Variants in EPHA6 observed in about 807,000 individuals in gnomAD.
EPHA6 encodes the protein EPH receptor A6.
A neutral mutation model predicts 112.0 loss-of-function variants in EPHA6; 50 were observed. That is an observed-to-expected ratio of 0.45 (90% CI 0.36 to 0.56). The LOEUF is 0.56. Ranked by LOEUF, EPHA6 falls within the 20% of genes least tolerant of loss-of-function variation. The probability of loss-of-function intolerance (pLI) is 0.00; values close to 1 mark genes in which losing one functional copy is unlikely to be tolerated. For missense variants in EPHA6, 1,280 were observed against 1,417.4 expected (o/e 0.90, Z 1.56); for synonymous variants, 529 against 490.7 (o/e 1.08, Z -1.03).
intron 5 of EPHA6, among the ~76,000 whole-genome samples, chr3:97,298,216 C>T (rs1433258249): frequency 6.6e-6 from 1 of 152,040 alleles, no homozygotes; most frequent in Non-Finnish European, 1.5e-5. Flanking sequence ...CTGTTATTGT[C>T]TGATGTATTT....
intron 3 of EPHA6, among the ~76,000 whole-genome samples, chr3:97,128,158 G>T (rs950348398): frequency 2.0e-5 from 3 of 152,084 alleles, no homozygotes; most frequent in African/African-American, 7.2e-5. Context: ...ATGCTCTCCA[G>T]TACCACCCAA....
intron 2 of EPHA6, among the ~76,000 whole-genome samples, chr3:96,983,462 C>T (rs1230349238): frequency 2.0e-5 from 3 of 152,128 alleles, no homozygotes; most frequent in Non-Finnish European, 4.4e-5. Flanking sequence ...GTAATGTGAC[C>T]TTTCTCTCTG....
intron 5 of EPHA6, among the ~76,000 whole-genome samples, chr3:97,314,439 G>A (rs2081711485): frequency 6.6e-6 from 1 of 151,510 alleles, no homozygotes; most frequent in African/African-American, 2.4e-5. Context: ...TTCAGTAATT[G>A]AGAAGAATAA....
intron 3 of EPHA6, among the ~76,000 whole-genome samples, chr3:97,095,425 A>G (rs1487906809): frequency 6.6e-6 from 1 of 151,876 alleles, no homozygotes; most frequent in Non-Finnish European, 1.5e-5. Context: ...CCTTGTGCAC[A>G]TGTACCCTAG....
chr3:97,013,563 C>T (rs758000555), intron 3 of EPHA6, among the ~76,000 whole-genome samples: 3 of 152,026 alleles, frequency 2.0e-5, no homozygotes, highest in Admixed American at 1.3e-4. Context: ...ATACATAAAT[C>T]CTTGGAACAC....
chr3:96,943,982 G>A (rs1404222450), intron 2 of EPHA6, among the ~76,000 whole-genome samples: 1 of 152,128 alleles, frequency 6.6e-6, no homozygotes, highest in Non-Finnish European at 1.5e-5. Context: ...ATCATAAATT[G>A]TATTATATCC....
chr3:97,010,877 A>T (rs2044062377), intron 3 of EPHA6, among the ~76,000 whole-genome samples: 1 of 152,112 alleles, frequency 6.6e-6, no homozygotes, highest in Non-Finnish European at 1.5e-5. Flanking sequence ...TCAATAGAGG[A>T]TTTCATATTT....
chr3:97,553,270 C>T (rs1028089868), intron 11 of EPHA6, among the ~76,000 whole-genome samples: 1 of 152,024 alleles, frequency 6.6e-6, no homozygotes, highest in Non-Finnish European at 1.5e-5. Flanking sequence ...ACAAGCCAAT[C>T]TCTCTGTTGC....
chr3:96,985,127 G>A (rs920606497), intron 2 of EPHA6, among the ~76,000 whole-genome samples: 5 of 152,118 alleles, frequency 3.3e-5, no homozygotes, highest in African/African-American at 9.7e-5. Context: ...GAAATCACCC[G>A]TCTTCTGTGT....
chr3:97,546,573 G>A (rs1393814816), intron 11 of EPHA6, among the ~76,000 whole-genome samples: 1 of 152,096 alleles, frequency 6.6e-6, no homozygotes, highest in Non-Finnish European at 1.5e-5. Context: ...GAGTATCTTT[G>A]TGGAGTTCTC....
intron 3 of EPHA6, among the ~76,000 whole-genome samples, chr3:97,176,963 A>T (rs1294755616): frequency 6.6e-6 from 1 of 151,280 alleles, no homozygotes; most frequent in African/African-American, 2.4e-5. Flanking sequence ...GTTCTTCAAG[A>T]TGCATCATCA....
intron 7 of EPHA6, among the ~76,000 whole-genome samples, chr3:97,470,179 G>A (rs2091185501): frequency 6.6e-6 from 1 of 151,608 alleles, no homozygotes; most frequent in Non-Finnish European, 1.5e-5. Context: ...ATAAAGTTAA[G>A]CCAATTCTGA....
chr3:97,679,728 T>C (rs924460663), intron 14 of EPHA6, among the ~76,000 whole-genome samples: 1 of 152,144 alleles, frequency 6.6e-6, no homozygotes, highest in Non-Finnish European at 1.5e-5. Context: ...CACTTCAATA[T>C]ACCAAAATAC....
chr3:97,563,132 G>T (rs985321444), intron 11 of EPHA6, among the ~76,000 whole-genome samples: 12 of 152,050 alleles, frequency 7.9e-5, no homozygotes, highest in Admixed American at 4.6e-4. Flanking sequence ...TATCTCTGAG[G>T]TATTCTTGTA....
intron 3 of EPHA6, among the ~76,000 whole-genome samples, chr3:97,143,359 A>G (rs2075958707): frequency 1.3e-5 from 2 of 151,768 alleles, no homozygotes; most frequent in Admixed American, 6.6e-5. Context: ...TATATGCATT[A>G]TGTTCTCACA....
At chr3:97,181,510 C>T (rs1266082925) in intron 3 of EPHA6, among the ~76,000 whole-genome samples, 3 of 151,972 alleles carry the variant, frequency 2.0e-5, no homozygotes, top group Admixed American at 1.3e-4. Context: ...CATGCATGAA[C>T]GGTGCACAAT....
Position 97,192,335 on chromosome 3 carries a change from G to A in EPHA6, c.1115-33929G>A, listed in dbSNP as rs145984989. 4.9e-3 allele frequency among the ~76,000 whole-genome samples: 742 copies of A among 152,146 alleles called. 6 individuals are homozygous for A. Among genetic ancestry groups the A allele is most frequent in the African/African-American group, 0.016 (654 of 41,522 alleles). On this transcript the variant is annotated intron_variant, in intron 3 of 17. Transcript: ENST00000389672. ...TTTAGTAGAGATGGGGTTTTGCCAT[G>A]TTGGCCAGGCTGGTCTCGAACTCCT... is the stretch of plus-strand genomic sequence containing the variant.
Position 97,244,196 on chromosome 3 carries a change from C to T in EPHA6, c.1515C>T (p.Tyr505=), listed in dbSNP as rs762039514. The part of the protein sequence containing the change: ...IVLDFVSHVN[Y]TFEIEAMNGV... Reference sequence around the variant, plus strand: ...TTGACTTTGTGTCTCACGTGAATTACACCTTTGAAATAGAAGCAATGAATG... The same window carrying T: ...TTGACTTTGTGTCTCACGTGAATTATACCTTTGAAATAGAAGCAATGAATG... Residue 505 remains tyrosine, a synonymous_variant, in exon 5 of 18, where the codon TAC becomes TAT. Coordinates refer to ENST00000389672, the MANE Select transcript of EPHA6 (RefSeq NM_001080448.3). 1 of 1,613,192 alleles carries T rather than the reference C, an allele frequency of 6.2e-7. No individual in the cohort carries two copies. Among genetic ancestry groups the T allele is most frequent in the Admixed American group, 1.7e-5 (1 of 59,868 alleles).
intron 13 of EPHA6, among the ~76,000 whole-genome samples, chr3:97,620,602 T>C (rs576337457): frequency 6.6e-6 from 1 of 151,638 alleles, no homozygotes. Context: ...TAAAAACTGG[T>C]CAAAGGACAT....
Sources: allele counts gnomAD v4.1 joint callset (sites outside exome capture counted in the v4.1 genomes callset), GRCh38; gene constraint gnomAD v4.1.1; transcripts MANE v1.5; gene names NCBI Gene and HGNC (gene_info 2026-07-23, HGNC 2026-07-21).